Variants in GLT8D2 observed in about 807,000 individuals in gnomAD.
The protein encoded by GLT8D2 is glycosyltransferase 8 domain containing 2.
GLT8D2 carries 45 observed loss-of-function variants against 44.5 expected under a neutral mutation model. The ratio of observed to expected loss-of-function variants is 1.01; its 90% CI spans 0.80 to 1.30. The LOEUF (loss-of-function observed/expected upper bound fraction) is 1.30. GLT8D2 is among the 50% of genes most tolerant of loss of function. The pLI is 0.00. For synonymous variants in GLT8D2, 156 were observed against 157.2 expected (o/e 0.99, Z 0.06); for missense variants, 400 against 430.4 (o/e 0.93, Z 0.62).
upstream of GLT8D2, among the ~76,000 whole-genome samples, chr12:104,053,571 A>G (rs1394462005): frequency 2.6e-5 from 4 of 152,184 alleles, no homozygotes; most frequent in Non-Finnish European, 1.5e-5. Context: ...GGAAGTTATT[A>G]TTGCTGTTGT....
intron 1 of GLT8D2, among the ~76,000 whole-genome samples, chr12:104,033,225 T>C (rs1409161804): frequency 2.0e-5 from 3 of 151,282 alleles, no homozygotes; most frequent in Non-Finnish European, 4.4e-5. Context: ...TTAACCTGTG[T>C]CCATAAATGG....
At chr12:104,038,679 G>A (rs144589720) in intron 1 of GLT8D2, among the ~76,000 whole-genome samples, 2,287 of 152,200 alleles carry the variant, frequency 0.015, 38 homozygotes, top group South Asian at 0.057. Context: ...TTCCATGTTC[G>A]TGAATAGGAA....
At chr12:104,022,996 G>A (rs982265383) in intron 1 of GLT8D2, among the ~76,000 whole-genome samples, 3 of 152,210 alleles carry the variant, frequency 2.0e-5, no homozygotes, top group Non-Finnish European at 4.4e-5. Flanking sequence ...TGCTGCTTCA[G>A]AGCATAAAGA....
At chr12:104,000,994 C>T (rs1874139306) in intron 5 of GLT8D2, among the ~76,000 whole-genome samples, 1 of 152,226 alleles carries the variant, frequency 6.6e-6, no homozygotes, top group Non-Finnish European at 1.5e-5. Context: ...AACTTCCTTT[C>T]ATCAGCACCC....
In GLT8D2 at chr12:103,994,465, C is replaced by T. The variant is rs1381132971; in HGVS notation, c.637G>A (p.Ala213Thr). The T allele has an allele frequency of 6.2e-7, 1 of 1,614,030 alleles. No homozygotes were observed. The highest frequency in any genetic ancestry group is 8.5e-7 in the Non-Finnish European group (1 of 1,179,928). The part of the protein sequence containing the change: ...YMGYLDYRKK[A>T]IKDLGISPST... ...GGGCTGATGCCAAGGTCCTTGATGGCCTTCTTCCGGTAGTCCAGATAGCCC... is the reference window on the plus strand; with the variant it reads ...GGGCTGATGCCAAGGTCCTTGATGGTCTTCTTCCGGTAGTCCAGATAGCCC... Residue 213 changes from alanine (A) to threonine (T), a missense_variant, in exon 9 of 11, where the codon GCC becomes ACC. Physicochemically the swap from Ala to Thr is moderately conservative, Grantham distance 58. Coordinates refer to ENST00000360814, the MANE Select transcript of GLT8D2 (RefSeq NM_001384711.1).
In GLT8D2 at chr12:104,061,341, A is replaced by T. The variant is rs545613670; in HGVS notation, c.-423+2608T>A. Among the ~76,000 whole-genome samples the T allele has an allele frequency of 6.6e-5, 10 of 152,292 alleles. No homozygotes were observed. In the East Asian group the frequency reaches 9.6e-4, roughly 15 times the overall value. On this transcript the variant is annotated intron_variant, in intron 1 of 10. Coordinates refer to the GLT8D2 transcript ENST00000548660. Reference sequence around the variant, plus strand: ...TCAAATATCATAGACTAGTTTTTTTAAATTTGAAGTTCAACATTAGGGTTG... The same window carrying T: ...TCAAATATCATAGACTAGTTTTTTTTAATTTGAAGTTCAACATTAGGGTTG...
chr12:103,991,341 C>T (rs1457074870), intron 10 of GLT8D2, among the ~76,000 whole-genome samples: 1 of 152,142 alleles, frequency 6.6e-6, no homozygotes, highest in Non-Finnish European at 1.5e-5. Context: ...TGTGTGCCAC[C>T]ATGCCCAGCT....
intron 1 of GLT8D2, among the ~76,000 whole-genome samples, chr12:104,033,260 T>A (rs896920739): frequency 1.3e-5 from 2 of 152,134 alleles, no homozygotes; most frequent in Non-Finnish European, 2.9e-5. Flanking sequence ...AAATGTGGTA[T>A]ATATATGAGT....
intron 10 of GLT8D2, 72 bp downstream of exon 10, chr12:103,993,320 G>T (rs552670862): frequency 1.7e-6 from 2 of 1,189,906 alleles, no homozygotes; most frequent in African/African-American, 1.5e-5. Flanking sequence ...AGCAGAGCGA[G>T]ACTCTGTCTC....
At chr12:103,999,694 T>C (rs1873954137) in intron 5 of GLT8D2, among the ~76,000 whole-genome samples, 180 bp from the exon 6 acceptor site, 1 of 152,178 alleles carries the variant, frequency 6.6e-6, no homozygotes, top group Non-Finnish European at 1.5e-5. Context: ...TGACTTTAAA[T>C]CTTTTTTTCC....
At chr12:104,005,993 T>A (rs1353192515) in intron 4 of GLT8D2, among the ~76,000 whole-genome samples, 1 of 152,128 alleles carries the variant, frequency 6.6e-6, no homozygotes, top group Non-Finnish European at 1.5e-5. Context: ...CAAATGTCCA[T>A]CAATGATAGA....
In GLT8D2 at chr12:104,015,092, C is replaced by G; in HGVS notation, c.33G>C (p.Leu11=). 1 of 1,612,996 alleles carries G rather than the reference C, an allele frequency of 6.2e-7. No homozygotes were observed. Among genetic ancestry groups the G allele is most frequent in the Non-Finnish European group, 8.5e-7 (1 of 1,179,108 alleles). The part of the protein sequence containing the change: MALLRKINQV[L]LFLLIVTLCV... ...AGAGGGTCACGATCAGAAGGAACAG[C>G]AGCACCTGATTAACTGAAATAGAAA... Residue 11 remains leucine (L), a synonymous_variant, in exon 4 of 11, where the codon CTG becomes CTC. Transcript: ENST00000360814.
At chr12:104,017,528 G>A (rs936333296) in intron 3 of GLT8D2, among the ~76,000 whole-genome samples, 1 of 152,124 alleles carries the variant, frequency 6.6e-6, no homozygotes, top group African/African-American at 2.4e-5. Context: ...TCACCATGTT[G>A]GCCAGGCTGA....
intron 4 of GLT8D2, among the ~76,000 whole-genome samples, chr12:104,006,581 C>T (rs560619170): frequency 4.6e-5 from 7 of 152,120 alleles, no homozygotes; most frequent in Middle Eastern, 6.8e-3. Context: ...CCTTTTAGAC[C>T]TCCTCTCCTC....
intron 3 of GLT8D2, among the ~76,000 whole-genome samples, chr12:104,016,750 AGAAAGAAAGAAAGAAAGAAAGAAAGAAG>A (rs1202755529): frequency 0.012 from 1,333 of 109,464 alleles, 20 homozygotes; most frequent in Middle Eastern, 0.028. Flanking sequence ...AAAGAAAGAA[AGAAAGAAAGAAAGAAAGAAAGAAAGAAG>A]GAAGGAAGGA....
chr12:103,990,112 T>G (rs1379033382), intron 10 of GLT8D2, among the ~76,000 whole-genome samples: 1 of 48,546 alleles, frequency 2.1e-5, no homozygotes, highest in African/African-American at 8.1e-5. Flanking sequence ...TATATATATA[T>G]ATATATATAT....
intron 10 of GLT8D2, among the ~76,000 whole-genome samples, chr12:103,991,823 T>TA (rs11340919): frequency 0.062 from 7,680 of 123,090 alleles, 271 homozygotes; most frequent in Middle Eastern, 0.077. Context: ...TTACGTCCTT[T>TA]AAAAAAAAAA....
chr12:104,048,315 C>A (rs7315396), intron 1 of GLT8D2, among the ~76,000 whole-genome samples: 1 of 152,150 alleles, frequency 6.6e-6, no homozygotes, highest in East Asian at 1.9e-4. Context: ...GGAATCATTG[C>A]GTTAAACAAC....
chr12:104,057,516 C>CA (rs56844816), intron 1 of GLT8D2, among the ~76,000 whole-genome samples: 2,912 of 135,510 alleles, frequency 0.021, 52 homozygotes, highest in African/African-American at 0.044. Context: ...GACCCTGTCT[C>CA]AAAAAAAAAA....
Sources: gnomAD v4.1 joint callset for allele counts (sites outside exome capture counted in the v4.1 genomes callset) on GRCh38, gnomAD v4.1.1 for gene constraint, MANE v1.5 for transcripts, NCBI Gene and HGNC (gene_info 2026-07-23, HGNC 2026-07-21) for gene names.